SYN3: variants seen among roughly 807,000 people sequenced by gnomAD.
SYN3 encodes synapsin III.
A neutral mutation model predicts 65.8 loss-of-function variants in SYN3; 35 were observed. The ratio of observed to expected loss-of-function variants is 0.53; its 90% CI spans 0.41 to 0.70. SYN3 has a LOEUF of 0.70. SYN3 is among the 30% of genes least tolerant of loss of function. The pLI is 0.00. For synonymous variants in SYN3, 270 were observed against 292.9 expected, an observed-to-expected ratio of 0.92 and a Z score of 0.80; for missense variants, 680 against 749.0, an observed-to-expected ratio of 0.91 and a Z score of 1.08.
intron 6 of SYN3, among the ~76,000 whole-genome samples, chr22:32,844,316 T>C (rs751045240): frequency 2.0e-5 from 3 of 152,180 alleles, no homozygotes; most frequent in Admixed American, 6.5e-5. Context: ...CCAGTAAGCT[T>C]TTCTGGAAAC....
At chr22:32,580,819 G>A (rs961772697) in intron 7 of SYN3, among the ~76,000 whole-genome samples, 8 of 152,212 alleles carry the variant, frequency 5.3e-5, no homozygotes, top group Non-Finnish European at 1.2e-4. Flanking sequence ...CAAATAGGTA[G>A]CATCTGGCTC....
At chr22:32,834,205 T>G (rs2047663537) in intron 6 of SYN3, among the ~76,000 whole-genome samples, 1 of 151,886 alleles carries the variant, frequency 6.6e-6, no homozygotes, top group African/African-American at 2.4e-5. Context: ...CAGGCTGGAG[T>G]GCAGTGGCAC....
intron 2 of SYN3, among the ~76,000 whole-genome samples, chr22:32,998,026 C>CA (rs133930): frequency 0.4 from 43,180 of 107,816 alleles, 7,678 homozygotes; most frequent in Middle Eastern, 0.5. Flanking sequence ...GACTCCATCT[C>CA]AAAAAAAAAA....
At chr22:33,009,751 AACACACACACACAC>A (rs58156623) in intron 1 of SYN3, among the ~76,000 whole-genome samples, 122 of 141,240 alleles carry the variant, frequency 8.6e-4, no homozygotes, top group East Asian at 4.2e-3. Context: ...TACGTATCTA[AACACACACACACAC>A]ACACACACAC....
chr22:32,986,654 C>A (rs536206699), intron 2 of SYN3, among the ~76,000 whole-genome samples: 2 of 152,144 alleles, frequency 1.3e-5, no homozygotes, highest in Non-Finnish European at 2.9e-5. Flanking sequence ...GGGGTTGCTG[C>A]CTCTGTAATT....
chr22:32,754,456 T>TA (rs2045233339), intron 6 of SYN3, among the ~76,000 whole-genome samples: 1 of 140,324 alleles, frequency 7.1e-6, no homozygotes, highest in Non-Finnish European at 1.6e-5. Flanking sequence ...CTGGCCTCTT[T>TA]CTTTTAAAAA....
At chr22:32,603,157 G>T (rs924887157) in intron 6 of SYN3, among the ~76,000 whole-genome samples, 52 of 152,134 alleles carry the variant, frequency 3.4e-4, no homozygotes, top group Non-Finnish European at 6.0e-4. Context: ...GAAGGGCCAG[G>T]AACGGGACCA....
At chr22:32,741,172 A>G (rs1315046608) in intron 6 of SYN3, among the ~76,000 whole-genome samples, 5 of 152,132 alleles carry the variant, frequency 3.3e-5, no homozygotes, top group African/African-American at 4.8e-5. Flanking sequence ...TACAGACATG[A>G]GCACTGTTCT....
chr22:32,661,367 C>A (rs1000281171), intron 6 of SYN3, among the ~76,000 whole-genome samples: 1 of 152,252 alleles, frequency 6.6e-6, no homozygotes, highest in Non-Finnish European at 1.5e-5. Context: ...AGCCCGGGAA[C>A]AAGTGGAGAG....
At chr22:32,923,841 TCCCA>T (rs777387327) in intron 4 of SYN3, among the ~76,000 whole-genome samples, 4 of 152,206 alleles carry the variant, frequency 2.6e-5, no homozygotes, top group Non-Finnish European at 5.9e-5. Flanking sequence ...CTCTCCCTCC[TCCCA>T]CCCTTCACCC....
intron 4 of SYN3, among the ~76,000 whole-genome samples, chr22:32,893,888 T>G (rs1384920153): frequency 6.6e-6 from 1 of 152,104 alleles, no homozygotes; most frequent in East Asian, 1.9e-4. Flanking sequence ...CCTTCAACAG[T>G]GCACATTTGT....
chr22:32,993,640 G>A (rs779346615), intron 2 of SYN3, among the ~76,000 whole-genome samples: 5 of 152,172 alleles, frequency 3.3e-5, no homozygotes, highest in Admixed American at 1.3e-4. Flanking sequence ...CACCATGCCC[G>A]GCCCAAAGTC....
intron 6 of SYN3, among the ~76,000 whole-genome samples, chr22:32,778,078 A>G (rs931932281): frequency 6.6e-6 from 1 of 152,196 alleles, no homozygotes; most frequent in Non-Finnish European, 1.5e-5. Flanking sequence ...TATCCTATCA[A>G]GTGCTGGCTG....
chr22:32,559,359 G>A (rs774336769), intron 7 of SYN3, among the ~76,000 whole-genome samples: 2 of 152,206 alleles, frequency 1.3e-5, no homozygotes, highest in Non-Finnish European at 2.9e-5. Context: ...GATGAGAGAT[G>A]AGTGCTACTG....
intron 6 of SYN3, among the ~76,000 whole-genome samples, chr22:32,839,164 T>C (rs2047821635): frequency 6.6e-6 from 1 of 151,966 alleles, no homozygotes; most frequent in Non-Finnish European, 1.5e-5. Flanking sequence ...TTCAGAGTGA[T>C]AGGGTTTGAG....
At chr22:32,829,720 C>T (rs911839264) in intron 6 of SYN3, among the ~76,000 whole-genome samples, 1 of 152,256 alleles carries the variant, frequency 6.6e-6, no homozygotes, top group Non-Finnish European at 1.5e-5. Flanking sequence ...GGCCTGCCAA[C>T]TCCATAGCTC....
chr22:33,035,564 C>G (rs979679438), intron 1 of SYN3, among the ~76,000 whole-genome samples: 2 of 152,148 alleles, frequency 1.3e-5, no homozygotes, highest in Non-Finnish European at 2.9e-5. Flanking sequence ...AACTTTAGGT[C>G]TACGATCTAA....
intron 4 of SYN3, among the ~76,000 whole-genome samples, chr22:32,900,500 C>T (rs2049727830): frequency 6.6e-6 from 1 of 152,178 alleles, no homozygotes; most frequent in Non-Finnish European, 1.5e-5. Flanking sequence ...AGGGATTTGG[C>T]AGTGAACAAC....
chr22:32,908,093 T>C (rs1050208565), intron 4 of SYN3, among the ~76,000 whole-genome samples: 2 of 148,714 alleles, frequency 1.3e-5, no homozygotes, highest in Non-Finnish European at 3.0e-5. Flanking sequence ...CCTTTTTTCT[T>C]TTTTTTTTTT....
Sources: allele counts gnomAD v4.1 joint callset (sites outside exome capture counted in the v4.1 genomes callset), GRCh38; gene constraint gnomAD v4.1.1; transcripts MANE v1.5; gene names NCBI Gene and HGNC (gene_info 2026-07-23, HGNC 2026-07-21).